The following ANK3 variants were observed in gnomAD, a reference collection of about 807,000 sequenced individuals.
ANK3 encodes the protein ankyrin 3.
In ANK3, 57 loss-of-function variants were observed where a neutral mutation model predicts 370.9. The observed-to-expected ratio is 0.15, with a 90% confidence interval of 0.12 to 0.19. The LOEUF (loss-of-function observed/expected upper bound fraction) is 0.19. ANK3 is among the 10% of genes least tolerant of loss of function. The pLI is 1.00. For missense variants in ANK3, 4,439 were observed against 5,302.1 expected (o/e 0.84, Z 5.06); for synonymous variants, 1,929 against 1,946.3 (o/e 0.99, Z 0.23).
chr10:60,277,688 C>A (rs940274987), intron 4 of ANK3, among the ~76,000 whole-genome samples: 7 of 151,920 alleles, frequency 4.6e-5, no homozygotes, highest in Admixed American at 4.6e-4. Context: ...CCAGAGTGTG[C>A]CATGTACCCA....
chr10:60,105,853 C>A, intron 28 of ANK3, 52 bp downstream of exon 28: 1 of 1,525,740 alleles, frequency 6.6e-7, no homozygotes, highest in South Asian at 1.3e-5. Context: ...CTAGTCATTC[C>A]TTTAATTTCT....
chr10:60,257,889 A>G (rs1216662022), intron 7 of ANK3, among the ~76,000 whole-genome samples: 1 of 152,234 alleles, frequency 6.6e-6, no homozygotes, highest in Non-Finnish European at 1.5e-5. Context: ...GCTTTATTCA[A>G]TTATCTTCTC....
intron 1 of ANK3, among the ~76,000 whole-genome samples, chr10:60,703,653 G>T (rs2086294): frequency 0.04 from 6,118 of 152,106 alleles, 155 homozygotes; most frequent in Middle Eastern, 0.071. Flanking sequence ...TTATTATGAA[G>T]TATTTCAAAA....
chr10:60,464,986 C>T (rs117388564), intron 2 of ANK3, among the ~76,000 whole-genome samples: 3,941 of 152,216 alleles, frequency 0.026, 72 homozygotes, highest in Non-Finnish European at 0.036. Flanking sequence ...AGTTCCTGCT[C>T]CAAGCACAGT....
At chr10:60,335,928 CTTAGAT>C (rs1293886261) in intron 1 of ANK3, among the ~76,000 whole-genome samples, 1 of 152,062 alleles carries the variant, frequency 6.6e-6, no homozygotes, top group Non-Finnish European at 1.5e-5. Context: ...GCCAGCCAGG[CTTAGAT>C]ACAGAAGCCA....
At chr10:60,374,948 CTAT>C (rs1438368959) in intron 1 of ANK3, among the ~76,000 whole-genome samples, 4 of 151,402 alleles carry the variant, frequency 2.6e-5, no homozygotes, top group African/African-American at 9.7e-5. Flanking sequence ...AAAGGAGGTA[CTAT>C]TATTATCTCA....
chr10:60,083,923 C>CTT (rs60709810), intron 32 of ANK3: 46 of 149,818 alleles, frequency 3.1e-4, no homozygotes, highest in African/African-American at 9.2e-4. Context: ...ATTTTGAAAG[C>CTT]TTTTTTTTTT....
intron 2 of ANK3, among the ~76,000 whole-genome samples, chr10:60,575,057 T>C (rs925438537): frequency 6.6e-6 from 1 of 152,188 alleles, no homozygotes; most frequent in African/African-American, 2.4e-5. Flanking sequence ...TTATAAAATA[T>C]ACAAAATACA....
chr10:60,242,771 C>G (rs962857857), intron 7 of ANK3, among the ~76,000 whole-genome samples: 2 of 152,170 alleles, frequency 1.3e-5, no homozygotes, highest in Non-Finnish European at 2.9e-5. Flanking sequence ...TATTTCATAT[C>G]TTTTGTCTCA....
In ANK3 at chr10:60,601,994, C is replaced by A. The variant is rs186605465; in HGVS notation, c.96+13192G>T. On this transcript the variant is annotated intron_variant, in intron 2 of 43. Coordinates refer to the ANK3 transcript ENST00000373827. ...TAAAAAGCCTGTGTGCACAAACTTG[C>A]TTGTGCATAAAATCTTCCTTTAAAG... Among the ~76,000 whole-genome samples, 734 of 152,218 alleles carry A rather than the reference C, an allele frequency of 4.8e-3. 7 individuals are homozygous for A. The highest frequency in any genetic ancestry group is 0.017 in the African/African-American group (703 of 41,544).
At chr10:60,325,842 C>A (rs1238737595) in intron 1 of ANK3, among the ~76,000 whole-genome samples, 1 of 152,152 alleles carries the variant, frequency 6.6e-6, no homozygotes, top group Non-Finnish European at 1.5e-5. Flanking sequence ...ACGTTCTTTG[C>A]AGCACCAGTC....
At chr10:60,282,940 A>G (rs149196069) in intron 1 of ANK3, among the ~76,000 whole-genome samples, 85 of 152,260 alleles carry the variant, frequency 5.6e-4, no homozygotes, top group African/African-American at 1.9e-3. Flanking sequence ...AAAAGAACCA[A>G]TAAGTTCCTC....
chr10:60,166,069 T>A (rs2095616827), intron 23 of ANK3, among the ~76,000 whole-genome samples: 3 of 152,158 alleles, frequency 2.0e-5, no homozygotes, highest in African/African-American at 7.2e-5. Context: ...TTTTGATCTC[T>A]TTCATTAAAT....
At chr10:60,329,291 A>G in intron 1 of ANK3, among the ~76,000 whole-genome samples, 1 of 152,186 alleles carries the variant, frequency 6.6e-6, no homozygotes. Flanking sequence ...CAGGGCAATC[A>G]GGCAAGAGAA....
At chr10:60,215,627 A>G (rs1376308049) in intron 8 of ANK3, among the ~76,000 whole-genome samples, 1 of 151,912 alleles carries the variant, frequency 6.6e-6, no homozygotes, top group South Asian at 2.1e-4. Flanking sequence ...TCCTTTCCCC[A>G]TTGCTTGCTT....
intron 1 of ANK3, among the ~76,000 whole-genome samples, chr10:60,618,750 G>T (rs1485960690): frequency 6.6e-6 from 1 of 151,938 alleles, no homozygotes; most frequent in Non-Finnish European, 1.5e-5. Flanking sequence ...AATAAGATTT[G>T]GCCCATCCGC....
In ANK3 at chr10:60,145,842, T is replaced by C. The variant is rs1053764221; in HGVS notation, c.2615-6755A>G. The stretch of plus-strand genomic sequence containing the variant: ...AGGGGGCTTTGTCTGTTTTGCTTCA[T>C]ATCATTGCCCAGAACAGAACCTGGC... On this transcript the variant is annotated intron_variant, in intron 23 of 43. Coordinates refer to ENST00000280772, the MANE Select transcript of ANK3 (RefSeq NM_020987.5). The C allele has an allele frequency of 1.6e-4, 98 of 607,808 alleles. No homozygotes were observed. In the East Asian group the frequency reaches 2.7e-3, roughly 17 times the overall value. 37.7% of individuals were successfully genotyped at this position (607,808 alleles called of 1,614,324 possible).
At chr10:60,032,194 CTTTTTT>C (rs552219776) in intron 43 of ANK3, among the ~76,000 whole-genome samples, 16 of 43,130 alleles carry the variant, frequency 3.7e-4, no homozygotes, top group South Asian at 2.0e-3. Flanking sequence ...TACACAGCTT[CTTTTTT>C]TTTTTTTTTT....
Position 60,071,886 on chromosome 10 carries a change from T to C in ANK3, c.8995A>G (p.Met2999Val), listed in dbSNP as rs1259195368. Residue 2999 changes from methionine (M) to valine (V), a missense_variant, in exon 37 of 44, where the codon ATG becomes GTG. Physicochemically the swap from Met to Val is conservative, Grantham distance 21. Around this residue, in one of 13 missense-constraint regions of ANK3, gnomAD observed 1,601 missense variants for 1,731.7 expected, o/e 0.92. Coordinates refer to ENST00000280772, the MANE Select transcript of ANK3 (RefSeq NM_020987.5). ...ELSQKLSQSSMSKETVETQHF... is the reference protein window; with the variant it reads ...ELSQKLSQSSVSKETVETQHF... ...TGTGTCTCAACTGTCTCTTTACTCA[T>C]GCTTGACTGGGACAATTTTTGTGAT... The C allele has an allele frequency of 3.1e-6, 5 of 1,614,140 alleles. No individual in the cohort carries two copies. Among genetic ancestry groups the C allele is most frequent in the Non-Finnish European group, 4.2e-6 (5 of 1,180,006 alleles).
Sources: gnomAD v4.1 joint callset for allele counts (sites outside exome capture counted in the v4.1 genomes callset) on GRCh38, gnomAD v4.1.1 for gene constraint, gnomAD v4.1.1 regional missense constraint, MANE v1.5 for transcripts, NCBI Gene and HGNC (gene_info 2026-07-23, HGNC 2026-07-21) for gene names.